The following DGKG variants were observed in gnomAD, a reference collection of about 807,000 sequenced individuals.
DGKG encodes DAG kinase gamma.
A neutral mutation model predicts 105.3 loss-of-function variants in DGKG; 78 were observed. The ratio of observed to expected loss-of-function variants is 0.74; its 90% CI spans 0.62 to 0.89. DGKG has a LOEUF of 0.89. Among genes scored for constraint, DGKG ranks in the 40% least tolerant of loss-of-function variants. The probability of loss-of-function intolerance (pLI) is 0.00; values close to 1 mark genes in which losing one functional copy is unlikely to be tolerated. For synonymous variants in DGKG, 346 were observed against 367.1 expected, an observed-to-expected ratio of 0.94 and a Z score of 0.66; for missense variants, 958 against 1,020.1, an observed-to-expected ratio of 0.94 and a Z score of 0.83.
chr3:186,170,011 C>G (rs1578615935), intron 22 of DGKG, among the ~76,000 whole-genome samples: 1 of 152,168 alleles, frequency 6.6e-6, no homozygotes. Context: ...GTGAAAAGCA[C>G]TAGCCGATGC....
intron 9 of DGKG, chr3:186,279,602 G>T (rs1722737935): frequency 3.4e-6 from 1 of 298,138 alleles, no homozygotes; most frequent in Admixed American, 5.2e-5. Context: ...CAGATAATGT[G>T]TCTGTATTCC....
chr3:186,301,356 G>A (rs6803730), intron 3 of DGKG, among the ~76,000 whole-genome samples: 87,089 of 152,092 alleles, frequency 0.57, 25,269 homozygotes, highest in Non-Finnish European at 0.62. Flanking sequence ...TGACGGGTGC[G>A]GTGGCTCACA....
chr3:186,295,350 G>A (rs112832113), intron 5 of DGKG, among the ~76,000 whole-genome samples: 6,809 of 151,850 alleles, frequency 0.045, 500 homozygotes, highest in African/African-American at 0.15. Flanking sequence ...AAAATACCAA[G>A]AATTAGCCGG....
rs554281116 is a variant in DGKG at position 186,203,338 on chromosome 3, G to C, written c.1917+8457C>G. Among the ~76,000 whole-genome samples, 8 of 152,342 alleles carry C rather than the reference G, an allele frequency of 5.3e-5. No individual in the cohort carries two copies. In the South Asian group the frequency reaches 1.4e-3, roughly 28 times the overall value. ...GAAACAAGGGCTAACATTACCCTAAGATTGAAACGAGGCCAATGTTGTAGC... is the reference window on the plus strand; with the variant it reads ...GAAACAAGGGCTAACATTACCCTAACATTGAAACGAGGCCAATGTTGTAGC... On this transcript the variant is annotated intron_variant, in intron 21 of 24. Coordinates refer to ENST00000265022, the MANE Select transcript of DGKG (RefSeq NM_001346.3). The surrounding 1 kb of genome is among the most constrained non-coding windows in gnomAD (Gnocchi z 4.9).
chr3:186,351,962 G>T (rs1214598823), intron 1 of DGKG, among the ~76,000 whole-genome samples: 2 of 152,166 alleles, frequency 1.3e-5, no homozygotes, highest in Non-Finnish European at 2.9e-5. Flanking sequence ...TCTGAACATT[G>T]GCATAGTTGG....
chr3:186,353,921 C>T (rs1255335504), intron 1 of DGKG, among the ~76,000 whole-genome samples: 2 of 152,008 alleles, frequency 1.3e-5, no homozygotes, highest in East Asian at 3.9e-4. Context: ...GACTTTTTCC[C>T]CTATAGGAAC....
intron 20 of DGKG, among the ~76,000 whole-genome samples, chr3:186,216,752 T>C (rs74856475): frequency 0.012 from 1,753 of 152,198 alleles, 17 homozygotes; most frequent in South Asian, 0.019. Context: ...GAGTGCAATG[T>C]TCCTTCTTCT....
intron 2 of DGKG, among the ~76,000 whole-genome samples, chr3:186,314,196 C>CAA (rs1724700096): frequency 6.7e-6 from 1 of 148,976 alleles, no homozygotes; most frequent in African/African-American, 2.5e-5. Context: ...CACACACACA[C>CAA]ACACACACAC....
chr3:186,322,690 C>T lies in DGKG; in HGVS notation c.-248-1983G>A, dbSNP rs188723805. 3.1e-3 allele frequency among the ~76,000 whole-genome samples: 478 copies of T among 152,274 alleles called. 10 individuals carry two copies. The highest frequency in any genetic ancestry group is 1.7e-3 in the Non-Finnish European group (116 of 68,018). On this transcript the variant is annotated intron_variant, in intron 1 of 24. Transcript: ENST00000265022. ...ACCTCCAAGCTTTAATGACCCCCGG[C>T]ATGCTGCGGCAGCCCTGAGCTCTCT... is the stretch of plus-strand genomic sequence containing the variant.
chr3:186,279,994 T>G, intron 8 of DGKG, 21 bp from the exon 9 acceptor site: 1 of 1,613,230 alleles, frequency 6.2e-7, no homozygotes, highest in Non-Finnish European at 8.5e-7. Flanking sequence ...CAAAGAGCAA[T>G]CATTGTCCAT....
intron 1 of DGKG, among the ~76,000 whole-genome samples, chr3:186,355,523 C>T (rs866001598): frequency 2.6e-5 from 4 of 151,406 alleles, no homozygotes; most frequent in Non-Finnish European, 3.0e-5. Context: ...ACCTCCACTG[C>T]CACTACCACC....
At chr3:186,347,960 T>G (rs1446953823) in intron 1 of DGKG, among the ~76,000 whole-genome samples, 5 of 152,186 alleles carry the variant, frequency 3.3e-5, no homozygotes, top group African/African-American at 1.2e-4. Context: ...TATTTCTAGT[T>G]TTATATTCAT....
intron 6 of DGKG, 113 bp downstream of exon 6, chr3:186,288,597 G>A: frequency 8.9e-7 from 1 of 1,129,192 alleles, no homozygotes; most frequent in East Asian, 2.5e-5. Context: ...CAAAGAGGCG[G>A]GACGCATATC....
intron 5 of DGKG, among the ~76,000 whole-genome samples, chr3:186,295,740 G>A (rs6801729): frequency 0.028 from 4,243 of 151,292 alleles, 190 homozygotes; most frequent in African/African-American, 0.095. Context: ...ACCTTTCATG[G>A]GAAGAGGATG....
At chr3:186,198,604 T>G (rs1718296500) in intron 21 of DGKG, among the ~76,000 whole-genome samples, 1 of 152,190 alleles carries the variant, frequency 6.6e-6, no homozygotes, top group African/African-American at 2.4e-5. Context: ...GTTATTGTGT[T>G]CCATGGTGGT....
intron 20 of DGKG, among the ~76,000 whole-genome samples, chr3:186,220,248 G>A (rs1157128942): frequency 1.3e-5 from 2 of 152,186 alleles, no homozygotes; most frequent in Non-Finnish European, 2.9e-5. Context: ...CACCCATGGT[G>A]GGAGGCAGTG....
rs931953721 is a variant in DGKG, at chr3:186,210,539, C to T, written c.1917+1256G>A. The T allele has an allele frequency of 6.7e-6, 3 of 449,960 alleles. No homozygotes were observed. Among genetic ancestry groups the T allele is most frequent in the African/African-American group, 4.0e-5 (2 of 49,780 alleles). The allele number at this position is 449,960 out of a possible 1,614,324, so 27.9% of individuals were successfully genotyped here. On this transcript the variant is annotated intron_variant, in intron 21 of 24. Coordinates refer to ENST00000265022, the MANE Select transcript of DGKG (RefSeq NM_001346.3). This position sits in a 1 kb window ranked among gnomAD's most constrained non-coding sequence, Gnocchi z 5.2. The stretch of plus-strand genomic sequence containing the variant: ...CACCCTGGCGTTGGTAACCCAGCAA[C>T]CGAAGAGGAGAGGCAGGCAGATGAG...
intron 24 of DGKG, among the ~76,000 whole-genome samples, chr3:186,152,578 C>A (rs530553768): frequency 6.6e-6 from 1 of 152,298 alleles, no homozygotes; most frequent in East Asian, 1.9e-4. Context: ...GACTGATAAG[C>A]CCTACGTGCT....
At chr3:186,345,332 A>T (rs1215250521) in intron 1 of DGKG, among the ~76,000 whole-genome samples, 1 of 152,230 alleles carries the variant, frequency 6.6e-6, no homozygotes, top group Non-Finnish European at 1.5e-5. Flanking sequence ...TTTTTGATCC[A>T]ATATGAAGAC....
Sources: gnomAD v4.1 joint callset for allele counts (sites outside exome capture counted in the v4.1 genomes callset) on GRCh38, gnomAD v4.1.1 for gene constraint, Gnocchi (gnomAD v3.1) non-coding constraint, MANE v1.5 for transcripts, NCBI Gene and HGNC (gene_info 2026-07-23, HGNC 2026-07-21) for gene names.